Variants in TMEM117 observed in about 807,000 individuals in gnomAD.
TMEM117 encodes the protein transmembrane protein 117.
Under a neutral mutation model 52.4 loss-of-function variants are expected in TMEM117, and 27 were observed. That is an observed-to-expected ratio of 0.51 (90% CI 0.38 to 0.71). The LOEUF (loss-of-function observed/expected upper bound fraction) is 0.71, where lower values mean the gene tolerates loss of function less well. Ranked by LOEUF, TMEM117 falls within the 30% of genes least tolerant of loss-of-function variation. TMEM117 has a pLI of 0.00. For missense variants in TMEM117, 556 were observed against 630.5 expected (o/e 0.88, Z 1.26); for synonymous variants, 215 against 206.3 (o/e 1.04, Z -0.36).
Position 44,328,270 on chromosome 12 carries a change from C to A in TMEM117, c.768+28531C>A, listed in dbSNP as rs1006691846. Among the ~76,000 whole-genome samples the A allele has an allele frequency of 5.3e-5, 8 of 152,144 alleles. 1 individual carries two copies. Among genetic ancestry groups the A allele is most frequent in the Admixed American group, 5.2e-4 (8 of 15,258 alleles). ...TTGAAGGCACAGCCATCGTACATAT[C>A]TTAGTATTGCCACCATTTGGCCAGT... is the stretch of plus-strand genomic sequence containing the variant. On this transcript the variant is annotated intron_variant, in intron 6 of 7. Transcript: ENST00000266534.
intron 5 of TMEM117, among the ~76,000 whole-genome samples, chr12:44,279,930 G>A (rs1283174509): frequency 2.0e-5 from 3 of 152,068 alleles, no homozygotes; most frequent in African/African-American, 4.8e-5. Context: ...CCACTAGTTT[G>A]TTCCTGAAAT....
intron 2 of TMEM117, among the ~76,000 whole-genome samples, chr12:43,892,211 G>A (rs921149014): frequency 1.3e-5 from 2 of 152,158 alleles, no homozygotes; most frequent in African/African-American, 4.8e-5. Flanking sequence ...GCAAAATCCT[G>A]GGGAAATTAG....
intron 2 of TMEM117, among the ~76,000 whole-genome samples, chr12:43,883,769 A>C (rs1312215015): frequency 1.3e-5 from 2 of 151,256 alleles, no homozygotes; most frequent in Non-Finnish European, 2.9e-5. Flanking sequence ...GACAAAAAAA[A>C]AAACAAAAAA....
intron 2 of TMEM117, among the ~76,000 whole-genome samples, chr12:43,922,309 A>T: frequency 6.6e-6 from 1 of 152,200 alleles, no homozygotes; most frequent in South Asian, 2.1e-4. Flanking sequence ...AATTATTTCT[A>T]GGTTTTTAAA....
upstream of TMEM117, among the ~76,000 whole-genome samples, chr12:43,834,921 C>G (rs1049222018): frequency 6.6e-6 from 1 of 152,160 alleles, no homozygotes; most frequent in East Asian, 1.9e-4. Context: ...TCTCTCCATC[C>G]CATCTTAAAA....
At chr12:44,132,865 G>A (rs898058042) in intron 3 of TMEM117, among the ~76,000 whole-genome samples, 1 of 152,090 alleles carries the variant, frequency 6.6e-6, no homozygotes, top group Non-Finnish European at 1.5e-5. Context: ...GTTGAAGCAG[G>A]GGTATCTAGT....
intron 6 of TMEM117, among the ~76,000 whole-genome samples, chr12:44,361,655 T>G (rs1280199921): frequency 1.3e-5 from 2 of 152,154 alleles, no homozygotes; most frequent in Non-Finnish European, 2.9e-5. Flanking sequence ...CATAAAGAAG[T>G]GTACCTTCAA....
At chr12:43,797,108 A>G in the TMEM117 span, 1 of 1,574,154 alleles carries the variant, frequency 6.4e-7, no homozygotes. Flanking sequence ...CTGTAAGTTC[A>G]AATAATAACA....
rs1220671570 is a variant in TMEM117 at position 43,874,952 on chromosome 12, A to G, written c.277+30024A>G. 2.0e-5 allele frequency among the ~76,000 whole-genome samples: 3 copies of G among 152,226 alleles called. No homozygotes were observed. The East Asian group carries it at 5.8e-4, about 29-fold the overall frequency. On this transcript the variant is annotated intron_variant, in intron 2 of 7. Transcript: ENST00000266534. ...AATCCCTCTGGGGATGCAGGTGGGA[A>G]TTACATTTTCTCACTAATAAATAAC...
chr12:43,870,468 A>G (rs1233751543), intron 2 of TMEM117, among the ~76,000 whole-genome samples: 1 of 152,102 alleles, frequency 6.6e-6, no homozygotes, highest in African/African-American at 2.4e-5. Context: ...CATGTTGGCC[A>G]GGATGGTCTC....
chr12:44,177,704 G>C (rs1290905613), intron 4 of TMEM117, among the ~76,000 whole-genome samples: 3 of 152,172 alleles, frequency 2.0e-5, no homozygotes, highest in East Asian at 3.8e-4. Context: ...TTAAAATTTA[G>C]CTATAAATCA....
At chr12:44,259,038 C>T (rs959932794) in intron 5 of TMEM117, among the ~76,000 whole-genome samples, 3 of 152,032 alleles carry the variant, frequency 2.0e-5, no homozygotes, top group Non-Finnish European at 4.4e-5. Context: ...CCTTTGTATA[C>T]AAAACATTTG....
chr12:44,165,373 A>G (rs1317103666), intron 4 of TMEM117, among the ~76,000 whole-genome samples: 1 of 152,254 alleles, frequency 6.6e-6, no homozygotes, highest in African/African-American at 2.4e-5. Context: ...ACCTATCAGT[A>G]AACTTCAATC....
At chr12:43,913,062 A>T (rs1565747909) in intron 2 of TMEM117, among the ~76,000 whole-genome samples, 1 of 152,226 alleles carries the variant, frequency 6.6e-6, no homozygotes, top group Non-Finnish European at 1.5e-5. Flanking sequence ...TCTTAACTTC[A>T]TTAGGGCTAC....
intron 2 of TMEM117, among the ~76,000 whole-genome samples, chr12:43,885,414 C>CTTTTTTTTTT (rs63547361): frequency 7.3e-6 from 1 of 136,964 alleles, no homozygotes; most frequent in Non-Finnish European, 1.6e-5. Context: ...TTTTTCTTTT[C>CTTTTTTTTTT]TTTTCTTTTT....
intron 2 of TMEM117, among the ~76,000 whole-genome samples, chr12:43,928,331 A>G (rs1158786532): frequency 1.3e-5 from 2 of 151,966 alleles, no homozygotes; most frequent in Admixed American, 1.3e-4. Context: ...TTGATACATT[A>G]CTTACTAGTT....
At chr12:43,971,328 A>T (rs768463581) in intron 3 of TMEM117, among the ~76,000 whole-genome samples, 26 of 152,158 alleles carry the variant, frequency 1.7e-4, no homozygotes, top group Non-Finnish European at 2.6e-4. Flanking sequence ...TGAACAACTT[A>T]TCATTGTCTT....
intron 6 of TMEM117, among the ~76,000 whole-genome samples, chr12:44,301,045 AGATGGCCTACT>A (rs1945101408): frequency 6.6e-6 from 1 of 152,230 alleles, no homozygotes; most frequent in South Asian, 2.1e-4. Context: ...CACATTGGCC[AGATGGCCTACT>A]GATACCTCTC....
Position 44,175,856 on chromosome 12 carries a change from A to G in TMEM117, c.510+32232A>G, listed in dbSNP as rs190498197. On this transcript the variant is annotated intron_variant, in intron 4 of 7. Transcript: ENST00000266534. ...GTCAGGTATACAAAATCCTGGACAG[A>G]TGTTTATTGGTTTAATTGAAATGAA... Among the ~76,000 whole-genome samples the G allele has an allele frequency of 4.1e-4, 62 of 152,290 alleles. 1 individual carries two copies. Among genetic ancestry groups the G allele is most frequent in the Non-Finnish European group, 1.0e-4 (7 of 68,026 alleles).
Sources: gnomAD v4.1 joint callset for allele counts (sites outside exome capture counted in the v4.1 genomes callset) on GRCh38, gnomAD v4.1.1 for gene constraint, MANE v1.5 for transcripts, NCBI Gene and HGNC (gene_info 2026-07-23, HGNC 2026-07-21) for gene names.